EPC2: variants seen among roughly 807,000 people sequenced by gnomAD.
EPC2 encodes enhancer of polycomb 2.
A neutral mutation model predicts 92.1 loss-of-function variants in EPC2; 14 were observed. That is an observed-to-expected ratio of 0.15 (90% CI 0.10 to 0.24). The LOEUF (loss-of-function observed/expected upper bound fraction) is 0.24, where lower values mean the gene tolerates loss of function less well. Ranked by LOEUF, EPC2 falls within the 10% of genes least tolerant of loss-of-function variation. The probability of loss-of-function intolerance (pLI) is 1.00; values close to 1 mark genes in which losing one functional copy is unlikely to be tolerated. For synonymous variants in EPC2, 340 were observed against 334.7 expected (o/e 1.02, Z -0.17); for missense variants, 755 against 971.5 (o/e 0.78, Z 2.96).
At chr2:148,682,013 T>A (rs1405616113) in intron 1 of EPC2, among the ~76,000 whole-genome samples, 6 of 152,194 alleles carry the variant, frequency 3.9e-5, no homozygotes, top group African/African-American at 1.4e-4. Context: ...AGAATGATGG[T>A]GTCCAGCTGC....
chr2:148,694,066 T>C (rs1681693131), intron 2 of EPC2, among the ~76,000 whole-genome samples: 2 of 152,292 alleles, frequency 1.3e-5, no homozygotes, highest in South Asian at 4.1e-4. Context: ...AATAAATAAA[T>C]GAGTGAAAGA....
At chr2:148,662,707 A>G (rs780389340) in intron 1 of EPC2, among the ~76,000 whole-genome samples, 7 of 152,094 alleles carry the variant, frequency 4.6e-5, no homozygotes, top group Non-Finnish European at 1.0e-4. Context: ...TAGGAGATAT[A>G]CCTAATCCTA....
intron 3 of EPC2, among the ~76,000 whole-genome samples, chr2:148,751,865 T>C (rs1350224004): frequency 2.6e-5 from 4 of 152,196 alleles, no homozygotes. Context: ...ACTCATAAAA[T>C]AGAAAGTTGC....
chr2:148,773,669 A>G (rs564273429), intron 10 of EPC2, among the ~76,000 whole-genome samples: 1 of 152,302 alleles, frequency 6.6e-6, no homozygotes, highest in Admixed American at 6.5e-5. Context: ...GCATGGCAAT[A>G]TAAATACATA....
At chr2:148,710,166 A>C (rs901430778) in intron 2 of EPC2, among the ~76,000 whole-genome samples, 2 of 152,288 alleles carry the variant, frequency 1.3e-5, no homozygotes, top group South Asian at 4.1e-4. Context: ...AAATCAAACA[A>C]CACCATCAAA....
At chr2:148,709,375 C>T (rs1026626777) in intron 2 of EPC2, among the ~76,000 whole-genome samples, 14 of 152,330 alleles carry the variant, frequency 9.2e-5, no homozygotes, top group Non-Finnish European at 2.1e-4. Flanking sequence ...ACATCCCATG[C>T]TCATGGATAG....
rs560215094 is a variant in EPC2, at chr2:148,659,251, G to A, written c.153+14081G>A. 5.2e-3 allele frequency among the ~76,000 whole-genome samples: 786 copies of A among 152,094 alleles called. 10 individuals carry two copies. The highest frequency in any genetic ancestry group is 0.018 in the African/African-American group (748 of 41,486). ...TCTGGGTTTGTTTTGTTTTGTTACC[G>A]CAGTTTCATATGGATGTTTACCACT... On this transcript the variant is annotated intron_variant, in intron 1 of 13. Coordinates refer to ENST00000258484, the MANE Select transcript of EPC2 (RefSeq NM_015630.4).
At chr2:148,737,214 C>G (rs1682775270) in intron 2 of EPC2, among the ~76,000 whole-genome samples, 1 of 152,186 alleles carries the variant, frequency 6.6e-6, no homozygotes, top group Admixed American at 6.5e-5. Flanking sequence ...ATCTTAAAGG[C>G]ACTTTCAGTA....
intron 10 of EPC2, among the ~76,000 whole-genome samples, chr2:148,776,640 A>G (rs1293564216): frequency 6.6e-6 from 1 of 151,996 alleles, no homozygotes; most frequent in Non-Finnish European, 1.5e-5. Context: ...CCCTCTCTCT[A>G]CCCTTTAATC....
intron 3 of EPC2, among the ~76,000 whole-genome samples, chr2:148,748,980 T>C (rs1056432860): frequency 6.6e-6 from 1 of 152,138 alleles, no homozygotes; most frequent in Admixed American, 6.5e-5. Flanking sequence ...AAAGAAAAAC[T>C]TCATTGGCTT....
At chr2:148,705,709 G>A (rs1208571286) in intron 2 of EPC2, among the ~76,000 whole-genome samples, 1 of 152,180 alleles carries the variant, frequency 6.6e-6, no homozygotes, top group Admixed American at 6.5e-5. Flanking sequence ...CAAGCAAACG[G>A]TCTGGAGTGG....
intron 2 of EPC2, among the ~76,000 whole-genome samples, chr2:148,726,307 T>C (rs1056551124): frequency 6.6e-6 from 1 of 152,218 alleles, no homozygotes; most frequent in Non-Finnish European, 1.5e-5. Flanking sequence ...TTTGGATATA[T>C]ACACAGAAGT....
intron 1 of EPC2, among the ~76,000 whole-genome samples, chr2:148,664,971 C>A (rs904530931): frequency 2.0e-5 from 3 of 152,176 alleles, no homozygotes; most frequent in African/African-American, 7.2e-5. Flanking sequence ...ATAGTAGTTA[C>A]ATTTAAAAGG....
At chr2:148,767,259 G>A (rs1351987704) in intron 7 of EPC2, among the ~76,000 whole-genome samples, 1 of 150,416 alleles carries the variant, frequency 6.6e-6, no homozygotes, top group African/African-American at 2.4e-5. Flanking sequence ...AACTTTTATC[G>A]GTGGAATCAG....
chr2:148,684,944 T>C (rs1020021396), intron 1 of EPC2, among the ~76,000 whole-genome samples: 3 of 152,212 alleles, frequency 2.0e-5, no homozygotes, highest in Non-Finnish European at 2.9e-5. Context: ...GTATAAATCG[T>C]CTCATAAAAT....
Position 148,781,639 on chromosome 2 carries a change from A to G in EPC2, c.1721-5A>G, listed in dbSNP as rs1176820116. ...CTCATTTCCAAAATTCATGTTCTTT[A>G]CCAGTAACAGGGGGTATCACAGAAG... On this transcript the variant is annotated splice_polypyrimidine_tract_variant and splice_region_variant and intron_variant, in intron 10 of 13. Coordinates refer to ENST00000258484, the MANE Select transcript of EPC2 (RefSeq NM_015630.4). 5 of 1,608,434 alleles carry G rather than the reference A, an allele frequency of 3.1e-6. No homozygotes were observed. Among genetic ancestry groups the G allele is most frequent in the Non-Finnish European group, 4.2e-6 (5 of 1,177,716 alleles).
chr2:148,754,846 T>C (rs1683155402), intron 4 of EPC2, among the ~76,000 whole-genome samples: 1 of 152,240 alleles, frequency 6.6e-6, no homozygotes, highest in African/African-American at 2.4e-5. Flanking sequence ...TTAAATGATA[T>C]GGTATAGAGG....
intron 10 of EPC2, among the ~76,000 whole-genome samples, 191 bp downstream of exon 10, chr2:148,771,578 GT>G (rs1683519260): frequency 1.3e-5 from 2 of 152,090 alleles, no homozygotes; most frequent in South Asian, 4.1e-4. Flanking sequence ...TTTCGGGTGT[GT>G]GCCTGGTACG....
chr2:148,719,665 G>A (rs968326052), intron 2 of EPC2, among the ~76,000 whole-genome samples: 1 of 152,218 alleles, frequency 6.6e-6, no homozygotes, highest in African/African-American at 2.4e-5. Context: ...CCTGTAGGGG[G>A]TGGTTGGAGA....
Sources: allele counts gnomAD v4.1 joint callset (sites outside exome capture counted in the v4.1 genomes callset), GRCh38; gene constraint gnomAD v4.1.1; transcripts MANE v1.5; gene names NCBI Gene and HGNC (gene_info 2026-07-23, HGNC 2026-07-21).